Variants in DCAF15 observed in about 807,000 individuals in gnomAD.
The protein encoded by DCAF15 is DDB1 and CUL4 associated factor 15.
In DCAF15, 24 loss-of-function variants were observed where a neutral mutation model predicts 68.0. The observed-to-expected ratio is 0.35, with a 90% CI of 0.26 to 0.50. The LOEUF (loss-of-function observed/expected upper bound fraction) is 0.50, where lower values mean the gene tolerates loss of function less well. Ranked by LOEUF, DCAF15 falls within the 20% of genes least tolerant of loss-of-function variation. The probability of loss-of-function intolerance (pLI) is 0.98; values close to 1 mark genes in which losing one functional copy is unlikely to be tolerated. For synonymous variants in DCAF15, 376 were observed against 341.6 expected (o/e 1.10, Z -1.11); for missense variants, 627 against 830.6 (o/e 0.75, Z 3.01).
chr19:13,960,049 C>A lies in DCAF15; in HGVS notation c.1506C>A (p.Pro502=). ...IGLLLLAFPS[P]TEEGQLRPKT... is the part of the protein sequence containing the mutation. ...TGCTGCTCCTGGCCTTCCCGTCCCCCACTGAGGAGGGCCAGCTCCGGTGAG... is the reference window on the plus strand; with the variant it reads ...TGCTGCTCCTGGCCTTCCCGTCCCCAACTGAGGAGGGCCAGCTCCGGTGAG... The change falls in exon 10 of 13, where the codon CCC becomes CCA. Residue 502 remains proline (P), a synonymous_variant. Transcript: ENST00000254337. The A allele has an allele frequency of 6.2e-7, 1 of 1,613,780 alleles. No homozygotes were observed. The highest frequency in any genetic ancestry group is 1.1e-5 in the South Asian group (1 of 91,088).
rs1184372200 is a variant in DCAF15 at position 13,959,605 on chromosome 19, C to G, written c.1243C>G (p.Leu415Val). The G allele has an allele frequency of 6.2e-7, 1 of 1,613,542 alleles. No individual in the cohort carries two copies. The highest frequency in any genetic ancestry group is 2.2e-5 in the East Asian group (1 of 44,850). Residue 415 changes from leucine to valine, a missense_variant, in exon 8 of 13, where the codon CTG (leucine) becomes GTG (valine). Around this residue, in one of 3 missense-constraint regions of DCAF15, gnomAD observed 236 missense variants for 225.1 expected, o/e 1.05. Transcript: ENST00000254337. ...EDELEDDKIS[L>V]PFVVTDLRGR... ...AGAGTTGGAGGACGACAAGATCTCC[C>G]TGCCCTTCGTGGTGACTGATCTTCG...
chr19:13,955,072 C>G (rs1973297119), intron 3 of DCAF15, among the ~76,000 whole-genome samples: 1 of 151,906 alleles, frequency 6.6e-6, no homozygotes, highest in Non-Finnish European at 1.5e-5. Flanking sequence ...CACCATTGCA[C>G]TCCAGCCTGG....
chr19:13,954,172 C>A (rs1973232694), intron 1 of DCAF15, among the ~76,000 whole-genome samples, 168 bp from the exon 2 acceptor site: 1 of 152,150 alleles, frequency 6.6e-6, no homozygotes, highest in East Asian at 1.9e-4. Context: ...CTTTACTGTC[C>A]CCATCTGCCT....
At chr19:13,956,078 C>T (rs1219242708) in intron 4 of DCAF15, 45 bp from the exon 5 acceptor site, 4 of 1,609,480 alleles carry the variant, frequency 2.5e-6, no homozygotes, top group East Asian at 4.5e-5. Context: ...GCAGTGGGGG[C>T]CCCCCAGGCG....
intron 3 of DCAF15, among the ~76,000 whole-genome samples, chr19:13,955,447 T>C (rs1306880689): frequency 6.6e-6 from 1 of 152,148 alleles, no homozygotes; most frequent in East Asian, 1.9e-4. Flanking sequence ...ATTTTTATGG[T>C]TCAAAATGGG....
At chr19:13,955,506 A>T (rs1439662771) in intron 3 of DCAF15, among the ~76,000 whole-genome samples, 2 of 152,208 alleles carry the variant, frequency 1.3e-5, no homozygotes, top group Non-Finnish European at 2.9e-5. Context: ...GAAGCTGTAG[A>T]ACATGTTGGC....
chr19:13,960,235 G>C, intron 10 of DCAF15, 52 bp from the exon 11 acceptor site: 1 of 1,594,266 alleles, frequency 6.3e-7, no homozygotes, highest in Non-Finnish European at 8.6e-7. Context: ...CTGGGGCCTG[G>C]TTCAGGAGCC....
chr19:13,953,276 G>T, intron 1 of DCAF15: 1 of 765,932 alleles, frequency 1.3e-6, no homozygotes, highest in Non-Finnish European at 2.0e-6. Flanking sequence ...CAGTTTGGGA[G>T]CTCTGGAGGG....
Position 13,954,341 on chromosome 19 carries a change from T to G in DCAF15, c.134T>G (p.Ile45Ser). Reference sequence around the variant, plus strand: ...GTGCCCTGGCCACCCCTTCCCCAGATCAGCGGACAGCTCTCCCCTCGCCTC... The same window carrying G: ...GTGCCCTGGCCACCCCTTCCCCAGAGCAGCGGACAGCTCTCCCCTCGCCTC... ...HVLKQLERVK[I>S]SGQLSPRLFR... The change falls in exon 2 of 13, where the codon ATC becomes AGC. Residue 45 changes from isoleucine to serine, a missense_variant and splice_region_variant. This residue lies in a region of DCAF15 where 273 missense variants were observed against 393.7 expected (regional missense o/e 0.69). Coordinates refer to ENST00000254337, the MANE Select transcript of DCAF15 (RefSeq NM_138353.4). The G allele has an allele frequency of 1.9e-6, 3 of 1,612,880 alleles. No homozygotes were observed. Among genetic ancestry groups the G allele is most frequent in the Non-Finnish European group, 2.5e-6 (3 of 1,179,834 alleles).
Position 13,954,618 on chromosome 19 carries a change from A to G in DCAF15, c.323A>G (p.His108Arg), listed in dbSNP as rs767785346. The change falls in exon 3 of 13, where the codon CAT becomes CGT. Residue 108 changes from histidine to arginine, a missense_variant. Physicochemically the swap from His to Arg is conservative, Grantham distance 29. Transcript: ENST00000254337. The stretch of plus-strand genomic sequence containing the variant: ...GACGACTTCTCCTTCTACATCTACC[A>G]TCTGTACTGGTGGGAGTTCAACGTT... ...GDDDFSFYIYHLYWWEFNVHS... is the reference protein window; with the variant it reads ...GDDDFSFYIYRLYWWEFNVHS... 3 of 1,613,936 alleles carry G rather than the reference A, an allele frequency of 1.9e-6. No individual in the cohort carries two copies. The highest frequency in any genetic ancestry group is 1.1e-5 in the South Asian group (1 of 91,084).
chr19:13,954,603 CCTT>C lies in DCAF15; in HGVS notation c.311_313del (p.Phe104del), dbSNP rs761014031. 2.5e-6 allele frequency: 4 copies of C among 1,614,222 alleles called. No homozygotes were observed. In the Admixed American group the frequency reaches 5.0e-5, roughly 20 times the overall value. The stretch of plus-strand genomic sequence containing the variant: ...AGCAGCAGTGGGGATGACGACTTCT[CCTT>C]CTACATCTACCATCTGTACTGGTGG... On this transcript the variant is annotated inframe_deletion, in exon 3 of 13. Transcript: ENST00000254337.
intron 6 of DCAF15, among the ~76,000 whole-genome samples, chr19:13,958,022 A>G (rs139365660): frequency 4.6e-5 from 7 of 152,322 alleles, no homozygotes; most frequent in African/African-American, 1.7e-4. Flanking sequence ...CAAATAAGCC[A>G]GGGGCCAGGG....
At position 13,959,378 on chromosome 19, in the gene DCAF15, GC is replaced by G; in HGVS notation, c.1124del (p.Pro375LeufsTer45). The G allele has an allele frequency of 6.2e-7, 1 of 1,605,818 alleles. No individual in the cohort carries two copies. The highest frequency in any genetic ancestry group is 8.5e-7 in the Non-Finnish European group (1 of 1,179,602). ...TGTGGAGAGACGGCACCCCGGGACA[GC>G]CCCCCTGCCTCGGAGGCACCTGCCT... ...ALCGETAPRDSPPASEAPASE... is the reference protein window; with the variant it reads ...ALCGETAPRDXPPASEAPASE... On this transcript the variant is annotated frameshift_variant, in exon 7 of 13. Transcript: ENST00000254337. LOFTEE classifies it high-confidence loss of function.
intron 1 of DCAF15, among the ~76,000 whole-genome samples, chr19:13,954,019 C>T (rs75931705): frequency 6.6e-6 from 1 of 152,014 alleles, no homozygotes; most frequent in Non-Finnish European, 1.5e-5. Flanking sequence ...GGTGGCCCAG[C>T]GTGGGACAGG....
chr19:13,955,078 C>T (rs1190156753), intron 3 of DCAF15, among the ~76,000 whole-genome samples: 1 of 151,584 alleles, frequency 6.6e-6, no homozygotes, highest in Admixed American at 6.6e-5. Flanking sequence ...TGCACTCCAG[C>T]CTGGGCAACA....
chr19:13,960,660 T>C, intron 12 of DCAF15, 80 bp downstream of exon 12: 1 of 1,358,412 alleles, frequency 7.4e-7, no homozygotes, highest in South Asian at 1.4e-5. Flanking sequence ...TGAGCGCTGA[T>C]GAAATGGGTG....
chr19:13,956,545 C>A, intron 6 of DCAF15, 23 bp downstream of exon 6: 1 of 1,610,398 alleles, frequency 6.2e-7, no homozygotes, highest in South Asian at 1.1e-5. Context: ...GTCTCGTGGC[C>A]ACCCGGCAAC....
rs1270448812 is a variant in DCAF15 at position 13,959,448 on chromosome 19, G to A, written c.1188G>A (p.Leu396=). 1.9e-6 allele frequency: 3 copies of A among 1,609,998 alleles called. No individual in the cohort carries two copies. The highest frequency in any genetic ancestry group is 1.1e-5 in the South Asian group (1 of 91,026). The stretch of plus-strand genomic sequence containing the variant: ...ACTACACCAAGCTGTACTATGTGCT[G>A]GAGTCCGGAGAGGGGACGGAGCCGG... ...YVNYTKLYYV[L]ESGEGTEPED... The change falls in exon 7 of 13, where the codon CTG becomes CTA. Residue 396 remains leucine (L), a synonymous_variant. Coordinates refer to ENST00000254337, the MANE Select transcript of DCAF15 (RefSeq NM_138353.4).
rs1172999834 is a variant in DCAF15 at position 13,956,485 on chromosome 19, C to T, written c.747C>T (p.Tyr249=). The T allele has an allele frequency of 1.2e-6, 2 of 1,613,502 alleles. No homozygotes were observed. The highest frequency in any genetic ancestry group is 1.7e-6 in the Non-Finnish European group (2 of 1,180,028). ...AGGTGGTGCTGCTCAACACCAGCTA[C>T]TCCCTGGTGGCCTGCGCCGTCTCCG... is the stretch of plus-strand genomic sequence containing the variant. ...KDQVVLLNTS[Y]SLVACAVSVH... Residue 249 remains tyrosine, a synonymous_variant, in exon 6 of 13, where the codon TAC becomes TAT. Coordinates refer to ENST00000254337, the MANE Select transcript of DCAF15 (RefSeq NM_138353.4).
Sources: allele counts gnomAD v4.1 joint callset (sites outside exome capture counted in the v4.1 genomes callset), GRCh38; gene constraint gnomAD v4.1.1; regional missense constraint gnomAD v4.1.1; transcripts MANE v1.5; gene names NCBI Gene and HGNC (gene_info 2026-07-23, HGNC 2026-07-21).